OTULINL: variants seen among roughly 807,000 people sequenced by gnomAD.
The protein encoded by OTULINL is OTU deubiquitinase with linear linkage specificity like, also known as inactive ubiquitin thioesterase OTULINL.
A neutral mutation model predicts 43.9 loss-of-function variants in OTULINL; 42 were observed. That is an observed-to-expected ratio of 0.96 (90% CI 0.75 to 1.24). The LOEUF (loss-of-function observed/expected upper bound fraction) is 1.24. Among genes scored for constraint, OTULINL ranks in the 50% most tolerant of loss-of-function variants. The pLI, the probability that OTULINL is intolerant of heterozygous loss-of-function variation, is 0.00. For missense variants in OTULINL, 411 were observed against 426.4 expected (o/e 0.96, Z 0.32); for synonymous variants, 172 against 153.6 (o/e 1.12, Z -0.88).
intron 6 of OTULINL, 104 bp downstream of exon 6, chr5:14,607,562 T>G: frequency 7.1e-7 from 1 of 1,403,982 alleles, no homozygotes. Context: ...GTTAGGAAAG[T>G]AAGAAGTGCA....
At chr5:14,609,621 A>ATTTTTTTTTT (rs201855537) in intron 7 of OTULINL, among the ~76,000 whole-genome samples, 1 of 102,216 alleles carries the variant, frequency 9.8e-6, no homozygotes, top group African/African-American at 3.6e-5. Flanking sequence ...TTTTCCTGTG[A>ATTTTTTTTTT]TTTTTTTTTT....
chr5:14,586,616 CAA>C (rs1471011830), intron 1 of OTULINL, among the ~76,000 whole-genome samples: 1 of 152,156 alleles, frequency 6.6e-6, no homozygotes, highest in Admixed American at 6.5e-5. Context: ...TGGATAGACA[CAA>C]AGTTACCTAA....
chr5:14,589,163 G>A (rs1380962182), intron 1 of OTULINL, among the ~76,000 whole-genome samples: 1 of 152,234 alleles, frequency 6.6e-6, no homozygotes, highest in Non-Finnish European at 1.5e-5. Context: ...TACGCAGGGA[G>A]ACAGACGCTA....
intron 1 of OTULINL, among the ~76,000 whole-genome samples, chr5:14,597,107 TC>T (rs902006982): frequency 4.7e-4 from 72 of 152,184 alleles, no homozygotes; most frequent in African/African-American, 1.6e-3. Flanking sequence ...TTTAATGTTT[TC>T]CCCCTCAAAG....
chr5:14,592,793 C>T (rs567744839), intron 1 of OTULINL, among the ~76,000 whole-genome samples: 25 of 152,314 alleles, frequency 1.6e-4, no homozygotes, highest in Admixed American at 5.2e-4. Context: ...ACCTCAATCT[C>T]TTGCTTAAAA....
At chr5:14,595,810 T>C (rs1373951668) in intron 1 of OTULINL, among the ~76,000 whole-genome samples, 1 of 152,080 alleles carries the variant, frequency 6.6e-6, no homozygotes, top group African/African-American at 2.4e-5. Context: ...GAAGCATTAC[T>C]TCTGCTTGTG....
chr5:14,594,127 C>T (rs1156515987), intron 1 of OTULINL, among the ~76,000 whole-genome samples: 1 of 152,118 alleles, frequency 6.6e-6, no homozygotes, highest in Non-Finnish European at 1.5e-5. Context: ...AATATCTCCC[C>T]CGTAACTGGT....
At position 14,585,276 on chromosome 5, in the gene OTULINL, GA is replaced by G. The variant is rs3838237; in HGVS notation, c.64+3325del. ...AAAAAATAGTTTGAGGGCTGTGGGG[GA>G]AAAAAAGCATTGCAGTTAAAGGCAC... is the stretch of plus-strand genomic sequence containing the variant. On this transcript the variant is annotated intron_variant, in intron 1 of 7. Transcript: ENST00000274217. 2.6e-5 allele frequency among the ~76,000 whole-genome samples: 4 copies of G among 151,802 alleles called. No homozygotes were observed. The East Asian group carries it at 5.8e-4, about 22-fold the overall frequency.
chr5:14,598,396 A>C (rs1375159769), intron 1 of OTULINL, among the ~76,000 whole-genome samples: 1 of 152,244 alleles, frequency 6.6e-6, no homozygotes, highest in Non-Finnish European at 1.5e-5. Flanking sequence ...GGTTTAGGGA[A>C]GTAGGTGCTC....
chr5:14,601,225 T>G lies in OTULINL; in HGVS notation c.237T>G (p.Tyr79Ter). Residue 79 changes from tyrosine (Y) to a stop codon, truncating the protein, a stop_gained, in exon 3 of 8, where the codon TAT becomes TAG. Transcript: ENST00000274217. LOFTEE classifies it high-confidence loss of function. Reference protein sequence around the residue: ...SGHKLKWWIGYLQRKFKRNLS... With the variant: ...SGHKLKWWIG ...TTTTATCTTTCAGGTGGATTGGATA[T>G]CTGCAGAGAAAATTCAAAAGTAAAT... The G allele has an allele frequency of 6.2e-7, 1 of 1,612,854 alleles. No individual in the cohort carries two copies.
chr5:14,610,182 A>G lies in OTULINL; in HGVS notation c.939A>G (p.Ile313Met). ...TTGGATACTCCCTTGAAGTAAAGAT[A>G]AAAGTGTTCAGACTGTTCAAGTTTA... ...FILGYSLEVK[I>M]KVFRLFKFNS... The change falls in exon 8 of 8, where the codon ATA becomes ATG. Residue 313 changes from isoleucine (I) to methionine (M), a missense_variant. Coordinates refer to ENST00000274217, the MANE Select transcript of OTULINL (RefSeq NM_019018.3). 1 of 1,614,112 alleles carries G rather than the reference A, an allele frequency of 6.2e-7. No homozygotes were observed. Among genetic ancestry groups the G allele is most frequent in the Non-Finnish European group, 8.5e-7 (1 of 1,179,954 alleles).
chr5:14,600,954 A>C lies in OTULINL; in HGVS notation c.65-11A>C. ...GTGCTTTTTTTTTTTTTTTTTTTGT[A>C]ATTTTCATAGGAAGTGACCAAGTTC... On this transcript the variant is annotated splice_polypyrimidine_tract_variant and intron_variant, in intron 1 of 7. Coordinates refer to ENST00000274217, the MANE Select transcript of OTULINL (RefSeq NM_019018.3). 1 of 1,175,360 alleles carries C rather than the reference A, an allele frequency of 8.5e-7. No homozygotes were observed. Among genetic ancestry groups the C allele is most frequent in the Non-Finnish European group, 1.0e-6 (1 of 954,822 alleles). 72.8% of individuals were successfully genotyped at this position (1,175,360 alleles called of 1,614,324 possible). A position where few individuals can be genotyped will look rare whatever the true frequency, so the allele number is the denominator to read the frequency against.
intron 1 of OTULINL, among the ~76,000 whole-genome samples, chr5:14,590,275 T>TG (rs1002702518): frequency 6.6e-6 from 1 of 152,152 alleles, no homozygotes; most frequent in Non-Finnish European, 1.5e-5. Flanking sequence ...TTGGAATTAC[T>TG]GGGGAGCTTA....
At chr5:14,593,509 T>G (rs892790203) in intron 1 of OTULINL, among the ~76,000 whole-genome samples, 5 of 152,228 alleles carry the variant, frequency 3.3e-5, no homozygotes, top group Non-Finnish European at 2.9e-5. Context: ...AGGAGGCCTG[T>G]GTGGTTGGAT....
At position 14,586,007 on chromosome 5, in the gene OTULINL, G is replaced by C. The variant is rs141876639; in HGVS notation, c.64+4049G>C. ...ACAGGAGGAGAGAGATTATGAAAAA[G>C]TTTTTATTACTGGGCTAAAACCTCC... On this transcript the variant is annotated intron_variant, in intron 1 of 7. Transcript: ENST00000274217. 3.1e-3 allele frequency among the ~76,000 whole-genome samples: 470 copies of C among 152,324 alleles called. 5 individuals are homozygous for C. Among genetic ancestry groups the C allele is most frequent in the African/African-American group, 0.01 (434 of 41,580 alleles).
At chr5:14,594,177 A>G (rs1024897939) in intron 1 of OTULINL, among the ~76,000 whole-genome samples, 1 of 152,202 alleles carries the variant, frequency 6.6e-6, no homozygotes, top group Non-Finnish European at 1.5e-5. Flanking sequence ...GCAAGAACCA[A>G]CACAATTTAA....
At chr5:14,594,060 A>C (rs1368222244) in intron 1 of OTULINL, among the ~76,000 whole-genome samples, 1 of 152,242 alleles carries the variant, frequency 6.6e-6, no homozygotes, top group African/African-American at 2.4e-5. Context: ...ACTGAAATAC[A>C]AAAGTTCAGA....
At chr5:14,610,078 C>A in intron 7 of OTULINL, 63 bp from the exon 8 acceptor site, 1 of 1,441,552 alleles carries the variant, frequency 6.9e-7, no homozygotes, top group Non-Finnish European at 9.7e-7. Flanking sequence ...CTTCCCCCCA[C>A]CGTGGCGGGA....
In OTULINL at chr5:14,615,571, C is replaced by T. The variant is rs565383921; in HGVS notation, c.*5257C>T. The stretch of plus-strand genomic sequence containing the variant: ...ATAAAAAGGGCCAGAGATGAGGGGA[C>T]GCCTGGTGAAAATGGTGTTTGTTGT... On this transcript the variant is annotated 3_prime_UTR_variant, in exon 8 of 8. Coordinates refer to ENST00000274217, the MANE Select transcript of OTULINL (RefSeq NM_019018.3). Among the ~76,000 whole-genome samples, 5 of 152,060 alleles carry T rather than the reference C, an allele frequency of 3.3e-5. No homozygotes were observed. The highest frequency in any genetic ancestry group is 2.1e-4 in the South Asian group (1 of 4,824).
Sources: gnomAD v4.1 joint callset for allele counts (sites outside exome capture counted in the v4.1 genomes callset) on GRCh38, gnomAD v4.1.1 for gene constraint, MANE v1.5 for transcripts, NCBI Gene and HGNC (gene_info 2026-07-23, HGNC 2026-07-21) for gene names.